CEBPZ: variants seen among roughly 807,000 people sequenced by gnomAD.
The protein encoded by CEBPZ is CCAAT/enhancer-binding protein zeta.
In CEBPZ, 78 loss-of-function variants were observed where a neutral mutation model predicts 104.5. The ratio of observed to expected loss-of-function variants is 0.75; its 90% CI spans 0.62 to 0.90. The LOEUF (loss-of-function observed/expected upper bound fraction) is 0.90. Ranked by LOEUF, CEBPZ falls within the 40% of genes least tolerant of loss-of-function variation. The pLI is 0.00. For synonymous variants in CEBPZ, 470 were observed against 427.0 expected, an observed-to-expected ratio of 1.10 and a Z score of -1.24; for missense variants, 1,439 against 1,233.5, an observed-to-expected ratio of 1.17 and a Z score of -2.50.
intron 8 of CEBPZ, 82 bp downstream of exon 8, chr2:37,216,058 A>C: frequency 1.9e-6 from 2 of 1,071,810 alleles, no homozygotes. Context: ...ATTCTGATAA[A>C]TTAGAACAAA....
At chr2:37,207,407 A>G (rs1316571108) in intron 13 of CEBPZ, among the ~76,000 whole-genome samples, 1 of 152,228 alleles carries the variant, frequency 6.6e-6, no homozygotes, top group African/African-American at 2.4e-5. Flanking sequence ...GTAGGCCACA[A>G]AACAAGTCTC....
At chr2:37,227,512 T>C in intron 2 of CEBPZ, 32 bp downstream of exon 2, 1 of 1,551,284 alleles carries the variant, frequency 6.4e-7, no homozygotes, top group Non-Finnish European at 8.7e-7. Flanking sequence ...AGTTATTATT[T>C]CATGTCTCAT....
At chr2:37,201,976 T>TGAGTCACAGGAACTTCTAGCCTGCCTTG in intron 15 of CEBPZ, 73 bp from the exon 16 acceptor site, 1 of 1,443,444 alleles carries the variant, frequency 6.9e-7, no homozygotes, top group Non-Finnish European at 9.4e-7. Context: ...AACATGCTGC[T>TGAGTCACAGGAACTTCTAGCCTGCCTTG]GAGTCACAGG....
Position 37,231,466 on chromosome 2 carries a change from A to C in CEBPZ, c.102T>G (p.Ser34Arg). ...CCAGGGAGAACCCATTCTCGGCTTC[A>C]CTAGTATTATCCTCATCCTCCTCGT... ...DPDEEDEDNT[S>R]EAENGFSLEE... The change falls in exon 1 of 16, where the codon AGT becomes AGG. Residue 34 changes from serine (S) to arginine (R), a missense_variant. Physicochemically the swap from Ser to Arg is moderately radical, Grantham distance 110. Transcript: ENST00000234170. The C allele has an allele frequency of 6.2e-7, 1 of 1,614,176 alleles. No homozygotes were observed. Among genetic ancestry groups the C allele is most frequent in the East Asian group, 2.2e-5 (1 of 44,864 alleles).
At position 37,214,891 on chromosome 2, in the gene CEBPZ, G is replaced by A. The variant is rs767898137; in HGVS notation, c.2442C>T (p.Phe814=). ...ESQIPVDEVF[F]HRYYKKVAVK... ...AACTATATTATGTATAGTACCTGTG[G>A]AAAAACACTTCATCCACTGGTATTT... Residue 814 remains phenylalanine, a synonymous_variant, in exon 9 of 16, where the codon TTC becomes TTT. Coordinates refer to ENST00000234170, the MANE Select transcript of CEBPZ (RefSeq NM_005760.3). 2.5e-6 allele frequency: 4 copies of A among 1,605,132 alleles called. No homozygotes were observed. Among genetic ancestry groups the A allele is most frequent in the East Asian group, 4.5e-5 (2 of 44,748 alleles).
chr2:37,206,167 G>A (rs180678866), intron 13 of CEBPZ, among the ~76,000 whole-genome samples: 140 of 152,232 alleles, frequency 9.2e-4, no homozygotes, highest in African/African-American at 3.0e-3. Flanking sequence ...GGAAAATGGC[G>A]GATAAGGGGA....
rs146131783 is a variant in CEBPZ at position 37,228,436 on chromosome 2, G to T, written c.757C>A (p.Leu253Ile). 301 of 1,614,214 alleles carry T rather than the reference G, an allele frequency of 1.9e-4. 1 individual carries two copies. Among genetic ancestry groups the T allele is most frequent in the Admixed American group, 8.3e-4 (50 of 60,024 alleles). ...TGAACGGCATCATCCTGAATAAGAA[G>T]AATCATGGCTGCCATCCTGTCACCT... ...TLGDRMAAMI[L>I]LIQDDAVHTL... Residue 253 changes from leucine (L) to isoleucine (I), a missense_variant, in exon 2 of 16, where the codon CTT (leucine) becomes ATT (isoleucine). Physicochemically the swap from Leu to Ile is conservative, Grantham distance 5. Transcript: ENST00000234170.
At chr2:37,216,685 C>T (rs139423308) in intron 6 of CEBPZ, among the ~76,000 whole-genome samples, 1 of 152,272 alleles carries the variant, frequency 6.6e-6, no homozygotes, top group East Asian at 1.9e-4. Flanking sequence ...TAATCAGGAA[C>T]CAAACCCTGA....
chr2:37,210,880 AG>A, intron 13 of CEBPZ, 118 bp downstream of exon 13: 1 of 526,676 alleles, frequency 1.9e-6, no homozygotes, highest in East Asian at 3.3e-5. Flanking sequence ...TTTCTTAAAA[AG>A]AACCCCCCCC....
At chr2:37,209,045 G>GC (rs1289247569) in intron 13 of CEBPZ, 1 of 31,456 alleles carries the variant, frequency 3.2e-5, no homozygotes, top group Non-Finnish European at 4.8e-5. Context: ...TACAACACCT[G>GC]CCAAAAAAAA....
chr2:37,222,210 G>A (rs1020863494), intron 4 of CEBPZ, among the ~76,000 whole-genome samples, 170 bp downstream of exon 4: 1 of 152,152 alleles, frequency 6.6e-6, no homozygotes, highest in Non-Finnish European at 1.5e-5. Context: ...CTTGAACCTG[G>A]GAGGCGGAGG....
chr2:37,220,599 G>C, intron 4 of CEBPZ, 126 bp from the exon 5 acceptor site: 1 of 440,158 alleles, frequency 2.3e-6, no homozygotes, highest in Non-Finnish European at 4.1e-6. Context: ...AAGCAACCTA[G>C]ATTAAAAACT....
intron 5 of CEBPZ, among the ~76,000 whole-genome samples, chr2:37,219,409 T>C (rs1023305861): frequency 2.0e-5 from 3 of 152,220 alleles, no homozygotes; most frequent in African/African-American, 7.2e-5. Flanking sequence ...CTGGCTTTTT[T>C]TTTTTTAACT....
At chr2:37,212,092 G>C (rs1181274490) in intron 11 of CEBPZ, 53 bp from the exon 12 acceptor site, 1 of 1,474,644 alleles carries the variant, frequency 6.8e-7, no homozygotes, top group Non-Finnish European at 9.1e-7. Context: ...TTCTAAAGTA[G>C]TGTTTTGCTG....
At chr2:37,231,361 C>G (rs201830007) in intron 1 of CEBPZ, 51 bp downstream of exon 1, 4 of 1,610,580 alleles carry the variant, frequency 2.5e-6, no homozygotes, top group Non-Finnish European at 3.4e-6. Flanking sequence ...GCCTAGCCAC[C>G]TTCGGAACTC....
At chr2:37,216,444 A>T in intron 6 of CEBPZ, 26 bp from the exon 7 acceptor site, 1 of 1,485,728 alleles carries the variant, frequency 6.7e-7, no homozygotes, top group African/African-American at 1.4e-5. Flanking sequence ...GGGATTTAAA[A>T]ACTTAATTCA....
chr2:37,215,656 C>G (rs1375310873), intron 8 of CEBPZ: 1 of 153,366 alleles, frequency 6.5e-6, no homozygotes, highest in African/African-American at 2.4e-5. Flanking sequence ...GCTTTGAATA[C>G]AACAACAGAC....
chr2:37,222,017 C>T (rs1664781050), intron 4 of CEBPZ, among the ~76,000 whole-genome samples: 1 of 152,222 alleles, frequency 6.6e-6, no homozygotes, highest in Non-Finnish European at 1.5e-5. Context: ...GGTACAGTGG[C>T]TCACGCCTGT....
Position 37,216,121 on chromosome 2 carries a change from G to C in CEBPZ, c.2380+19C>G. ...TTATATTGTCTTTTCAGTTTCAACTGTCTAAGGTTTATACTTACCAGGAAG... is the reference window on the plus strand; with the variant it reads ...TTATATTGTCTTTTCAGTTTCAACTCTCTAAGGTTTATACTTACCAGGAAG... On this transcript the variant is annotated intron_variant, in intron 8 of 15. Coordinates refer to ENST00000234170, the MANE Select transcript of CEBPZ (RefSeq NM_005760.3). The C allele has an allele frequency of 2.5e-6, 4 of 1,577,226 alleles. No individual in the cohort carries two copies. Among genetic ancestry groups the C allele is most frequent in the Non-Finnish European group, 3.5e-6 (4 of 1,151,462 alleles).
Sources: allele counts gnomAD v4.1 joint callset (sites outside exome capture counted in the v4.1 genomes callset), GRCh38; gene constraint gnomAD v4.1.1; transcripts MANE v1.5; gene names NCBI Gene and HGNC (gene_info 2026-07-23, HGNC 2026-07-21).